PBLD: variants seen among roughly 807,000 people sequenced by gnomAD.
PBLD encodes the protein phenazine biosynthesis-like domain-containing protein.
A neutral mutation model predicts 31.3 loss-of-function variants in PBLD; 26 were observed. That is an observed-to-expected ratio of 0.83 (90% CI 0.61 to 1.15). The LOEUF (loss-of-function observed/expected upper bound fraction) is 1.15, where lower values mean the gene tolerates loss of function less well. PBLD is among the 50% of genes most tolerant of loss of function. The pLI is 0.00. For synonymous variants in PBLD, 114 were observed against 129.0 expected, an observed-to-expected ratio of 0.88 and a Z score of 0.79; for missense variants, 307 against 351.7, an observed-to-expected ratio of 0.87 and a Z score of 1.02.
At chr10:68,285,925 C>T (rs1163196026) in intron 8 of PBLD, among the ~76,000 whole-genome samples, 2 of 152,006 alleles carry the variant, frequency 1.3e-5, no homozygotes, top group African/African-American at 4.8e-5. Flanking sequence ...AAGAGATCCA[C>T]CTGCCTCAGC....
At chr10:68,324,875 CA>C (rs1304868991) in intron 1 of PBLD, among the ~76,000 whole-genome samples, 1 of 151,672 alleles carries the variant, frequency 6.6e-6, no homozygotes, top group Non-Finnish European at 1.5e-5. Context: ...CTTGGCCTCC[CA>C]AAGTGCTGGG....
chr10:68,315,551 C>T (rs1363702598), intron 1 of PBLD, among the ~76,000 whole-genome samples: 1 of 150,750 alleles, frequency 6.6e-6, no homozygotes, highest in African/African-American at 2.5e-5. Flanking sequence ...CACCACTGCC[C>T]TCCAGCCTGG....
chr10:68,302,880 G>T (rs1401338442), intron 2 of PBLD, among the ~76,000 whole-genome samples: 1 of 144,706 alleles, frequency 6.9e-6, no homozygotes, highest in Non-Finnish European at 1.5e-5. Context: ...AAAAAAAAAA[G>T]CACCACTGGT....
chr10:68,321,004 C>G (rs942966263), intron 1 of PBLD, among the ~76,000 whole-genome samples: 58 of 151,916 alleles, frequency 3.8e-4, no homozygotes, highest in African/African-American at 1.4e-3. Flanking sequence ...GTACTTTTAG[C>G]AGAGATGGAG....
At chr10:68,318,668 T>C (rs2044772048) in intron 1 of PBLD, among the ~76,000 whole-genome samples, 1 of 152,254 alleles carries the variant, frequency 6.6e-6, no homozygotes, top group South Asian at 2.1e-4. Flanking sequence ...AGTTTTTTTA[T>C]ACTATTAAAA....
intron 9 of PBLD, 31 bp downstream of exon 9, chr10:68,285,317 T>C: frequency 6.2e-7 from 1 of 1,613,924 alleles, no homozygotes; most frequent in Non-Finnish European, 8.5e-7. Flanking sequence ...ATTAGGCAAA[T>C]AAAAAAGAAA....
At chr10:68,288,830 A>G (rs2044320175) in intron 7 of PBLD, 101 bp downstream of exon 7, 6 of 1,323,556 alleles carry the variant, frequency 4.5e-6, no homozygotes, top group Admixed American at 3.7e-5. Context: ...CTGGCTGCGT[A>G]AATCATGGTT....
chr10:68,319,111 G>GAAAGAAAGAAAGAAAGAGAAAGAAAGAAA (rs1554860577), intron 1 of PBLD, among the ~76,000 whole-genome samples: 1 of 115,514 alleles, frequency 8.7e-6, no homozygotes, highest in African/African-American at 3.2e-5. Flanking sequence ...AAGAAAGAAA[G>GAAAGAAAGAAAGAAAGAGAAAGAAAGAAA]GAAAAAGAAA....
At chr10:68,295,266 G>A (rs181573909) in intron 4 of PBLD, among the ~76,000 whole-genome samples, 2 of 151,258 alleles carry the variant, frequency 1.3e-5, no homozygotes, top group Non-Finnish European at 3.0e-5. Context: ...GCCAAGGTGG[G>A]CAGACCACTT....
chr10:68,288,634 G>A lies in PBLD; in HGVS notation c.540C>T (p.Asn180=). ...TTTCAACTTGCAGCAGATTCTCCGTGTTCACTTTCAGGTTCTCCAGAAACG... is the reference window on the plus strand; with the variant it reads ...TTTCAACTTGCAGCAGATTCTCCGTATTCACTTTCAGGTTCTCCAGAAACG... ...NRSFLENLKV[N]TENLLQVENT... is the part of the protein sequence containing the mutation. The change falls in exon 8 of 10, where the codon AAC becomes AAT. Residue 180 remains asparagine (N), a synonymous_variant. Transcript: ENST00000358769. 2 of 1,614,076 alleles carry A rather than the reference G, an allele frequency of 1.2e-6. No homozygotes were observed. The highest frequency in any genetic ancestry group is 1.7e-6 in the Non-Finnish European group (2 of 1,180,024).
At chr10:68,292,640 G>T (rs1018768884) in intron 4 of PBLD, among the ~76,000 whole-genome samples, 2 of 151,972 alleles carry the variant, frequency 1.3e-5, no homozygotes, top group Non-Finnish European at 2.9e-5. Flanking sequence ...CTCCCAAGAA[G>T]CTGGAATTAC....
At chr10:68,298,451 AACCTG>A (rs2044460977) in intron 2 of PBLD, among the ~76,000 whole-genome samples, 1 of 152,200 alleles carries the variant, frequency 6.6e-6, no homozygotes, top group South Asian at 2.1e-4. Context: ...ACATAGCGAG[AACCTG>A]ACTCTAAAAA....
intron 1 of PBLD, among the ~76,000 whole-genome samples, chr10:68,318,985 A>C (rs1205105067): frequency 1.3e-5 from 2 of 150,750 alleles, no homozygotes; most frequent in Admixed American, 1.3e-4. Context: ...GAAGGAAGGA[A>C]GTTAGGAAAG....
chr10:68,297,189 T>TG (rs2044441524), intron 2 of PBLD: 1 of 575,812 alleles, frequency 1.7e-6, no homozygotes, highest in East Asian at 3.0e-5. Context: ...GAAGAAGGGT[T>TG]ATAAATGTGC....
rs59652364 is a variant in PBLD, at chr10:68,297,959, T to TAAAA, written c.85-978_85-975dup. On this transcript the variant is annotated intron_variant, in intron 2 of 9. Transcript: ENST00000358769. ...CTGTCTCTGTAAAAAAAGATTTAAATAAAAAAAAAAAGAGTAAGGGCTTTA... is the reference window on the plus strand; with the variant it reads ...CTGTCTCTGTAAAAAAAGATTTAAATAAAAAAAAAAAAAAAGAGTAAGGGCTTTA... Among the ~76,000 whole-genome samples, 1,168 of 148,250 alleles carry TAAAA rather than the reference T, an allele frequency of 7.9e-3. 16 individuals are homozygous for TAAAA. Among genetic ancestry groups the TAAAA allele is most frequent in the African/African-American group, 0.025 (1,010 of 40,250 alleles).
intron 1 of PBLD, among the ~76,000 whole-genome samples, chr10:68,307,701 A>T (rs1036669866): frequency 6.6e-6 from 1 of 151,790 alleles, no homozygotes; most frequent in African/African-American, 2.4e-5. Flanking sequence ...GAGTTTCACC[A>T]TGTTAGCCAG....
intron 2 of PBLD, among the ~76,000 whole-genome samples, chr10:68,299,464 A>G (rs1372009045): frequency 6.6e-6 from 1 of 152,144 alleles, no homozygotes; most frequent in African/African-American, 2.4e-5. Context: ...CTTTGATTCA[A>G]AATCTTTTGA....
At chr10:68,284,692 C>G (rs2044265585) in intron 9 of PBLD, among the ~76,000 whole-genome samples, 1 of 152,170 alleles carries the variant, frequency 6.6e-6, no homozygotes, top group Admixed American at 6.5e-5. Flanking sequence ...TTGAGAAGGC[C>G]CCCATCTTCT....
intron 1 of PBLD, among the ~76,000 whole-genome samples, chr10:68,327,238 T>C (rs2044936138): frequency 6.6e-6 from 1 of 152,152 alleles, no homozygotes; most frequent in Non-Finnish European, 1.5e-5. Context: ...TCTTGGTCCA[T>C]GAAACAGTAA....
Sources: allele counts gnomAD v4.1 joint callset (sites outside exome capture counted in the v4.1 genomes callset), GRCh38; gene constraint gnomAD v4.1.1; transcripts MANE v1.5; gene names NCBI Gene and HGNC (gene_info 2026-07-23, HGNC 2026-07-21).